Variants in FRZB observed in about 807,000 individuals in gnomAD.
The protein encoded by FRZB is frizzled related protein, also known as secreted frizzled-related protein 3.
FRZB carries 34 observed loss-of-function variants against 32.5 expected under a neutral mutation model. That is an observed-to-expected ratio of 1.05 (90% confidence interval 0.80 to 1.39). FRZB has a LOEUF of 1.39. Among genes scored for constraint, FRZB ranks in the 40% most tolerant of loss-of-function variants. FRZB has a pLI of 0.00. For synonymous variants in FRZB, 170 were observed against 159.2 expected (o/e 1.07, Z -0.51); for missense variants, 423 against 424.8 (o/e 1.00, Z 0.04).
Position 182,838,400 on chromosome 2 carries a change from G to A in FRZB, c.797+9C>T, listed in dbSNP as rs746290834. 5 of 1,599,150 alleles carry A rather than the reference G, an allele frequency of 3.1e-6. No homozygotes were observed. The highest frequency in any genetic ancestry group is 4.3e-6 in the Non-Finnish European group (5 of 1,167,024). On this transcript the variant is annotated intron_variant, in intron 4 of 5. Transcript: ENST00000295113. ...AGTAGTTATTCTGTATCCTTAAAGA[G>A]TGAATTACCTGGAACGTTCCTCATC... is the stretch of plus-strand genomic sequence containing the variant.
Position 182,866,186 on chromosome 2 carries a change from G to C in FRZB, c.367C>G (p.Leu123Val). 6.2e-7 allele frequency: 1 copy of C among 1,614,158 alleles called. No homozygotes were observed. The highest frequency in any genetic ancestry group is 8.5e-7 in the Non-Finnish European group (1 of 1,180,008). The change falls in exon 1 of 6, where the codon CTC becomes GTC. Residue 123 changes from leucine to valine, a missense_variant. Transcript: ENST00000295113. This position sits in a 1 kb window ranked among gnomAD's most constrained non-coding sequence, Gnocchi z 4.5. ...ERARQGCEPI[L>V]IKYRHSWPEN... ...GGCCACGAGTGGCGGTACTTGATGAGTATGGGCTCACAGCCCTGCCGGGCC... is the reference window on the plus strand; with the variant it reads ...GGCCACGAGTGGCGGTACTTGATGACTATGGGCTCACAGCCCTGCCGGGCC...
Position 182,842,537 on chromosome 2 carries a change from C to T in FRZB, c.533G>A (p.Cys178Tyr), listed in dbSNP as rs2105754189. 2 of 1,611,540 alleles carry T rather than the reference C, an allele frequency of 1.2e-6. No homozygotes were observed. The highest frequency in any genetic ancestry group is 2.2e-5 in the South Asian group (2 of 90,924). The part of the protein sequence containing the change: ...GNCRGASSER[C>Y]KCKPIRATQK... ...TGTAGCTCTAATAGGCTTACATTTA[C>T]AGCGTTCTGAAAAACACATTTTAGT... is the stretch of plus-strand genomic sequence containing the variant. The change falls in exon 3 of 6, where the codon TGT becomes TAT. Residue 178 changes from cysteine to tyrosine, a missense_variant. By Grantham distance (194) the Cys-to-Tyr change is radical. Transcript: ENST00000295113.
At chr2:182,845,093 C>T (rs912370324) in intron 2 of FRZB, among the ~76,000 whole-genome samples, 17 of 152,100 alleles carry the variant, frequency 1.1e-4, no homozygotes, top group Non-Finnish European at 2.5e-4. Context: ...GCTTACTCAA[C>T]CCAAAAATTC....
At position 182,856,821 on chromosome 2, in the gene FRZB, AACTGACAG is replaced by A. The variant is rs1695775015; in HGVS notation, c.526+1957_526+1964del. On this transcript the variant is annotated intron_variant, in intron 2 of 5. Coordinates refer to ENST00000295113, the MANE Select transcript of FRZB (RefSeq NM_001463.4). ...CAGAGCTTCAAAATACATGAAGCAA[AACTGACAG>A]ACTGAAAAAAGAAATAGAAAAATCC... Among the ~76,000 whole-genome samples the A allele has an allele frequency of 2.0e-5, 3 of 152,156 alleles. No homozygotes were observed. In the South Asian group the frequency reaches 6.2e-4, roughly 32 times the overall value.
At chr2:182,850,844 A>C (rs1695702012) in intron 2 of FRZB, among the ~76,000 whole-genome samples, 1 of 152,204 alleles carries the variant, frequency 6.6e-6, no homozygotes, top group South Asian at 2.1e-4. Context: ...TCCCACCAAC[A>C]GTATACTAGA....
At chr2:182,860,186 T>C (rs1695815603) in intron 1 of FRZB, among the ~76,000 whole-genome samples, 1 of 152,226 alleles carries the variant, frequency 6.6e-6, no homozygotes, top group Non-Finnish European at 1.5e-5. Context: ...AAAATGTTTC[T>C]ACGCTTTTAC....
At chr2:182,837,901 T>A (rs1228419511) in intron 5 of FRZB, 47 bp downstream of exon 5, 1 of 1,455,476 alleles carries the variant, frequency 6.9e-7, no homozygotes, top group Admixed American at 1.8e-5. Flanking sequence ...TTTTCTACTT[T>A]TGTTTTGTTT....
Position 182,837,946 on chromosome 2 carries a change from A to C in FRZB, c.861+2T>G, listed in dbSNP as rs1574981801. On this transcript the variant is annotated splice_donor_variant, in intron 5 of 5. Transcript: ENST00000295113. LOFTEE classifies it high-confidence loss of function. ...TACTTCAAACATAAAATACAGGCTT[A>C]CCTTAACTTTTTTACCGAGTCGATC... is the stretch of plus-strand genomic sequence containing the variant. 2 of 1,609,656 alleles carry C rather than the reference A, an allele frequency of 1.2e-6. No individual in the cohort carries two copies. The highest frequency in any genetic ancestry group is 1.7e-6 in the Non-Finnish European group (2 of 1,176,670).
At chr2:182,835,402 A>G (rs150541967) in intron 5 of FRZB, among the ~76,000 whole-genome samples, 1,616 of 152,010 alleles carry the variant, frequency 0.011, 14 homozygotes, top group Admixed American at 0.017. Context: ...TTTAAAGTCT[A>G]TGTGATTTGA....
intron 5 of FRZB, among the ~76,000 whole-genome samples, chr2:182,836,261 A>C (rs1345695681): frequency 6.6e-6 from 1 of 152,036 alleles, no homozygotes; most frequent in Non-Finnish European, 1.5e-5. Flanking sequence ...CTCAGCTAAG[A>C]GCAAATCTGA....
intron 5 of FRZB, among the ~76,000 whole-genome samples, chr2:182,836,744 A>T (rs1695529830): frequency 6.6e-6 from 1 of 152,088 alleles, no homozygotes; most frequent in African/African-American, 2.4e-5. Flanking sequence ...AGATTCCAAC[A>T]TACTGAACAA....
chr2:182,837,249 GTTA>G (rs1286168958), intron 5 of FRZB, among the ~76,000 whole-genome samples: 2 of 151,772 alleles, frequency 1.3e-5, no homozygotes, highest in Non-Finnish European at 2.9e-5. Flanking sequence ...CAATCTAAGA[GTTA>G]TTTGGCTTAA....
intron 3 of FRZB, among the ~76,000 whole-genome samples, chr2:182,840,060 T>G (rs950684882): frequency 2.0e-5 from 3 of 152,156 alleles, no homozygotes; most frequent in Non-Finnish European, 4.4e-5. Context: ...TTCTAAAAGC[T>G]TCACATTTCA....
At chr2:182,847,771 T>G (rs1695662200) in intron 2 of FRZB, among the ~76,000 whole-genome samples, 2 of 152,230 alleles carry the variant, frequency 1.3e-5, no homozygotes, top group South Asian at 4.1e-4. Flanking sequence ...AGCAGTTATT[T>G]CATCAAATAG....
chr2:182,846,767 T>C (rs899464644), intron 2 of FRZB, among the ~76,000 whole-genome samples: 3 of 152,238 alleles, frequency 2.0e-5, no homozygotes, highest in African/African-American at 7.2e-5. Context: ...ACTTTTTTAC[T>C]GAGCTCTAGA....
chr2:182,865,565 C>T (rs1338613173), intron 1 of FRZB, among the ~76,000 whole-genome samples: 1 of 152,172 alleles, frequency 6.6e-6, no homozygotes, highest in Non-Finnish European at 1.5e-5. Flanking sequence ...ATTATCTTGG[C>T]ATTTTTAATT....
intron 2 of FRZB, among the ~76,000 whole-genome samples, chr2:182,849,680 C>T (rs905455345): frequency 6.6e-6 from 1 of 152,180 alleles, no homozygotes; most frequent in African/African-American, 2.4e-5. Context: ...TAATAAAGGA[C>T]TCAATTCACA....
chr2:182,859,991 T>G (rs952412545), intron 1 of FRZB, among the ~76,000 whole-genome samples: 1 of 152,178 alleles, frequency 6.6e-6, no homozygotes, highest in Non-Finnish European at 1.5e-5. Context: ...AATAATCATG[T>G]GATAAACTAC....
At chr2:182,855,126 C>T (rs1013656118) in intron 2 of FRZB, among the ~76,000 whole-genome samples, 1 of 152,164 alleles carries the variant, frequency 6.6e-6, no homozygotes, top group Non-Finnish European at 1.5e-5. Flanking sequence ...TCACAACCCA[C>T]AGAAGACCAG....
Sources: allele counts gnomAD v4.1 joint callset (sites outside exome capture counted in the v4.1 genomes callset), GRCh38; gene constraint gnomAD v4.1.1; non-coding constraint Gnocchi (gnomAD v3.1); transcripts MANE v1.5; gene names NCBI Gene and HGNC (gene_info 2026-07-23, HGNC 2026-07-21).